KCNJ6: variants seen among roughly 807,000 people sequenced by gnomAD.
KCNJ6 encodes the protein G protein-activated inward rectifier potassium channel 2.
In KCNJ6, 9 loss-of-function variants were observed where a neutral mutation model predicts 34.2. That is an observed-to-expected ratio of 0.26 (90% CI 0.16 to 0.46). KCNJ6 has a LOEUF of 0.46. Among genes scored for constraint, KCNJ6 ranks in the 20% least tolerant of loss-of-function variants. The pLI, the probability that KCNJ6 is intolerant of heterozygous loss-of-function variation, is 1.00. For synonymous variants in KCNJ6, 196 were observed against 207.1 expected, an observed-to-expected ratio of 0.95 and a Z score of 0.46; for missense variants, 236 against 531.3, an observed-to-expected ratio of 0.44 and a Z score of 5.46.
chr21:37,907,744 T>C (rs1267242187), intron 1 of KCNJ6, among the ~76,000 whole-genome samples: 2 of 152,230 alleles, frequency 1.3e-5, no homozygotes, highest in African/African-American at 4.8e-5. Flanking sequence ...TCAAGATACC[T>C]GAAAACAACT....
intron 3 of KCNJ6, among the ~76,000 whole-genome samples, chr21:37,628,905 G>A (rs2054322278): frequency 6.6e-6 from 1 of 152,160 alleles, no homozygotes; most frequent in African/African-American, 2.4e-5. Flanking sequence ...AGCACTGAAA[G>A]AAAAAGACTG....
intron 2 of KCNJ6, among the ~76,000 whole-genome samples, chr21:37,811,703 A>C (rs1217739469): frequency 1.3e-5 from 2 of 152,172 alleles, no homozygotes; most frequent in Non-Finnish European, 2.9e-5. Flanking sequence ...TACCAGTGGA[A>C]TATGCCATAA....
At chr21:37,755,166 T>A (rs749227239) in intron 2 of KCNJ6, among the ~76,000 whole-genome samples, 1 of 152,106 alleles carries the variant, frequency 6.6e-6, no homozygotes, top group Non-Finnish European at 1.5e-5. Context: ...AAACAGAATT[T>A]TCTAGCACCG....
intron 1 of KCNJ6, among the ~76,000 whole-genome samples, chr21:37,859,137 G>A (rs2055579905): frequency 6.6e-6 from 1 of 151,874 alleles, no homozygotes; most frequent in African/African-American, 2.4e-5. Flanking sequence ...AGATCTAGAG[G>A]CTTCATGGAA....
chr21:37,819,257 AT>A (rs771807059), intron 2 of KCNJ6, among the ~76,000 whole-genome samples: 1 of 150,766 alleles, frequency 6.6e-6, no homozygotes, highest in South Asian at 2.1e-4. Flanking sequence ...AAAAAAAAAA[AT>A]GTAGGATCAG....
chr21:37,835,788 C>T (rs1218275475), intron 2 of KCNJ6, among the ~76,000 whole-genome samples: 1 of 150,060 alleles, frequency 6.7e-6, no homozygotes, highest in African/African-American at 2.4e-5. Context: ...TGGTTACCAG[C>T]GAGCAAGCTG....
At chr21:37,882,582 G>C (rs1379347815) in intron 1 of KCNJ6, among the ~76,000 whole-genome samples, 1 of 152,150 alleles carries the variant, frequency 6.6e-6, no homozygotes, top group Non-Finnish European at 1.5e-5. Flanking sequence ...GTATAACTAT[G>C]TTTCTTCACT....
intron 3 of KCNJ6, among the ~76,000 whole-genome samples, chr21:37,679,728 G>A (rs2054582468): frequency 6.6e-6 from 1 of 152,166 alleles, no homozygotes; most frequent in South Asian, 2.1e-4. Context: ...CCTTCACCGA[G>A]GGGGCCTTCT....
Position 37,613,226 on chromosome 21 carries a change from A to T in KCNJ6, c.*11933T>A, listed in dbSNP as rs1488904573. 6.6e-6 allele frequency: 1 copy of T among 152,206 alleles called. No homozygotes were observed. The highest frequency in any genetic ancestry group is 1.5e-5 in the Non-Finnish European group (1 of 68,028). 9.4% of individuals were successfully genotyped at this position (152,206 alleles called of 1,614,324 possible). On this transcript the variant is annotated 3_prime_UTR_variant, in exon 4 of 4. Transcript: ENST00000609713. ...TGTCATTAGGGAATTGCAAATTAAA[A>T]CAGCAATGAAACACCACCGTACATC... is the stretch of plus-strand genomic sequence containing the variant.
At position 37,624,023 on chromosome 21, in the gene KCNJ6, C is replaced by T. The variant is rs1272385533; in HGVS notation, c.*1136G>A. 6.6e-6 allele frequency: 1 copy of T among 152,188 alleles called. No individual in the cohort carries two copies. Among genetic ancestry groups the T allele is most frequent in the Admixed American group, 6.5e-5 (1 of 15,280 alleles). The allele number at this position is 152,188 out of a possible 1,614,324, so 9.4% of individuals were successfully genotyped here. Reference sequence around the variant, plus strand: ...GTCTCATTGTAAGAGTGTAGAGAAACTACAGCTGGAGAATCAATGGTTTTG... The same window carrying T: ...GTCTCATTGTAAGAGTGTAGAGAAATTACAGCTGGAGAATCAATGGTTTTG... On this transcript the variant is annotated 3_prime_UTR_variant, in exon 4 of 4. Transcript: ENST00000609713.
chr21:37,752,134 C>A (rs983965652), intron 2 of KCNJ6, among the ~76,000 whole-genome samples: 3 of 152,182 alleles, frequency 2.0e-5, no homozygotes, highest in African/African-American at 7.2e-5. Context: ...ATCTGTCGTT[C>A]ACCCAGTGGG....
At chr21:37,894,239 AG>A (rs1243848913) in intron 1 of KCNJ6, among the ~76,000 whole-genome samples, 1 of 152,234 alleles carries the variant, frequency 6.6e-6, no homozygotes, top group Non-Finnish European at 1.5e-5. Flanking sequence ...CACAATCACC[AG>A]GGAGCTTGCT....
chr21:37,635,488 GA>G (rs1569434244), intron 3 of KCNJ6, among the ~76,000 whole-genome samples: 4 of 151,608 alleles, frequency 2.6e-5, no homozygotes, highest in Non-Finnish European at 4.4e-5. Context: ...AAAGTGCTGG[GA>G]TTACAGGTGT....
In KCNJ6 at chr21:37,870,068, C is replaced by T. The variant is rs2055642645; in HGVS notation, c.-27-29359G>A. ...GGGAAGGAGAAAGGAGAACACACTT[C>T]TCTGAGTGGGCATCTTGCATAGAAA... is the stretch of plus-strand genomic sequence containing the variant. On this transcript the variant is annotated intron_variant, in intron 1 of 3. Transcript: ENST00000609713. 2.0e-5 allele frequency among the ~76,000 whole-genome samples: 3 copies of T among 152,224 alleles called. No individual in the cohort carries two copies. The South Asian group carries it at 6.2e-4, about 32-fold the overall frequency.
At chr21:37,715,948 A>G (rs1037723227) in intron 2 of KCNJ6, among the ~76,000 whole-genome samples, 1 of 152,222 alleles carries the variant, frequency 6.6e-6, no homozygotes, top group African/African-American at 2.4e-5. Flanking sequence ...CTTACAACAC[A>G]CTATCCAAAT....
At chr21:37,910,121 G>C (rs1162051067) in intron 1 of KCNJ6, among the ~76,000 whole-genome samples, 2 of 152,204 alleles carry the variant, frequency 1.3e-5, no homozygotes, top group Non-Finnish European at 2.9e-5. Flanking sequence ...CACAGGAGCA[G>C]AGCCACAGCT....
Position 37,894,431 on chromosome 21 carries a change from G to A in KCNJ6, c.-28+21453C>T, listed in dbSNP as rs184968518. ...TGTAATCCCAGCACTTTGGGAGGCC[G>A]AGGCAGGTGAATCACAAGGTGAGGA... is the stretch of plus-strand genomic sequence containing the variant. On this transcript the variant is annotated intron_variant, in intron 1 of 3. Coordinates refer to ENST00000609713, the MANE Select transcript of KCNJ6 (RefSeq NM_002240.5). Among the ~76,000 whole-genome samples, 11 of 152,294 alleles carry A rather than the reference G, an allele frequency of 7.2e-5. No homozygotes were observed. The East Asian group carries it at 2.1e-3, about 29-fold the overall frequency.
Position 37,732,287 on chromosome 21 carries a change from C to T in KCNJ6, c.26-17156G>A, listed in dbSNP as rs771063030. On this transcript the variant is annotated intron_variant, in intron 2 of 3. Coordinates refer to ENST00000609713, the MANE Select transcript of KCNJ6 (RefSeq NM_002240.5). Reference sequence around the variant, plus strand: ...TGTGGGGCTGGCCAGACTGGTCACCCCTGCTCAGAATGTGACAGTTGTTCC... The same window carrying T: ...TGTGGGGCTGGCCAGACTGGTCACCTCTGCTCAGAATGTGACAGTTGTTCC... Among the ~76,000 whole-genome samples the T allele has an allele frequency of 5.8e-4, 88 of 152,160 alleles. 1 individual carries two copies. The highest frequency in any genetic ancestry group is 2.4e-4 in the Non-Finnish European group (16 of 68,030).
chr21:37,759,198 C>T (rs537731913), intron 2 of KCNJ6, among the ~76,000 whole-genome samples: 12 of 152,260 alleles, frequency 7.9e-5, no homozygotes, highest in African/African-American at 2.4e-4. Context: ...CTAATTTGTC[C>T]GGGCTGCATC....
Sources: allele counts gnomAD v4.1 joint callset (sites outside exome capture counted in the v4.1 genomes callset), GRCh38; gene constraint gnomAD v4.1.1; transcripts MANE v1.5; gene names NCBI Gene and HGNC (gene_info 2026-07-23, HGNC 2026-07-21).